The following DOCK1 variants were observed in gnomAD, a reference collection of about 807,000 sequenced individuals.
DOCK1 encodes dedicator of cytokinesis protein 1.
A neutral mutation model predicts 262.7 loss-of-function variants in DOCK1; 138 were observed. The observed-to-expected ratio is 0.53, with a 90% CI of 0.46 to 0.61. The LOEUF is 0.61. Among genes scored for constraint, DOCK1 ranks in the 20% least tolerant of loss-of-function variants. The probability of loss-of-function intolerance (pLI) is 0.00; values close to 1 mark genes in which losing one functional copy is unlikely to be tolerated. For synonymous variants in DOCK1, 866 were observed against 867.4 expected (o/e 1.00, Z 0.03); for missense variants, 1,908 against 2,370.7 (o/e 0.80, Z 4.05).
intron 25 of DOCK1, among the ~76,000 whole-genome samples, chr10:127,123,651 T>C (rs1003762300): frequency 3.3e-5 from 5 of 152,200 alleles, no homozygotes; most frequent in African/African-American, 9.7e-5. Flanking sequence ...GTGTGTCCCA[T>C]GTGTTAGCGT....
rs1382440352 is a variant in DOCK1, at chr10:127,451,814, A to G, written c.*387A>G. 3.6e-6 allele frequency: 1 copy of G among 274,324 alleles called. No individual in the cohort carries two copies. Among genetic ancestry groups the G allele is most frequent in the Admixed American group, 5.3e-5 (1 of 19,032 alleles). The allele number at this position is 274,324 out of a possible 1,614,324, so 17.0% of individuals were successfully genotyped here. ...GAGAGGCTAGGCCATCACTCTTAGG[A>G]AGCTGTGTAGTGATGATGTATAAGA... On this transcript the variant is annotated 3_prime_UTR_variant, in exon 52 of 52. Transcript: ENST00000623213.
At chr10:127,390,514 C>A (rs1238074404) in intron 38 of DOCK1, among the ~76,000 whole-genome samples, 1 of 152,134 alleles carries the variant, frequency 6.6e-6, no homozygotes, top group Non-Finnish European at 1.5e-5. Flanking sequence ...CTAATCGAAT[C>A]TGACTGGTGT....
intron 27 of DOCK1, among the ~76,000 whole-genome samples, chr10:127,231,826 G>T (rs2058851742): frequency 6.6e-6 from 1 of 152,128 alleles, no homozygotes; most frequent in Admixed American, 6.5e-5. Context: ...AAGACTGAGT[G>T]CATTCGCTCA....
chr10:127,379,031 T>C (rs1180321639), intron 35 of DOCK1, among the ~76,000 whole-genome samples: 1 of 152,224 alleles, frequency 6.6e-6, no homozygotes, highest in Non-Finnish European at 1.5e-5. Flanking sequence ...CTTGGATAAT[T>C]GTATGTCTCT....
At chr10:127,278,821 T>G (rs1374631282) in intron 29 of DOCK1, among the ~76,000 whole-genome samples, 1 of 152,236 alleles carries the variant, frequency 6.6e-6, no homozygotes, top group African/African-American at 2.4e-5. Flanking sequence ...CTTCCTTCTG[T>G]GTGACAAGCA....
At chr10:127,362,425 T>G (rs2064511633) in intron 33 of DOCK1, among the ~76,000 whole-genome samples, 1 of 152,244 alleles carries the variant, frequency 6.6e-6, no homozygotes, top group Non-Finnish European at 1.5e-5. Context: ...ATTCTCAATT[T>G]TTAGCTCTTA....
chr10:127,367,208 G>A (rs920683654), intron 33 of DOCK1, among the ~76,000 whole-genome samples: 9 of 152,258 alleles, frequency 5.9e-5, no homozygotes, highest in Middle Eastern at 6.8e-3. Flanking sequence ...TCTTGTGCTC[G>A]TGCTCTTCAG....
chr10:126,914,504 G>A (rs1400309444), intron 1 of DOCK1, among the ~76,000 whole-genome samples: 2 of 152,180 alleles, frequency 1.3e-5, no homozygotes, highest in African/African-American at 4.8e-5. Context: ...CCAGGCTCAA[G>A]TGATCCTCCA....
chr10:127,194,129 T>C (rs1162252428), intron 27 of DOCK1, among the ~76,000 whole-genome samples: 1 of 152,242 alleles, frequency 6.6e-6, no homozygotes, highest in East Asian at 1.9e-4. Flanking sequence ...TTAAACTGAA[T>C]TGTTTAGTCT....
chr10:127,010,996 AT>A (rs2041392404), intron 11 of DOCK1, among the ~76,000 whole-genome samples: 1 of 152,228 alleles, frequency 6.6e-6, no homozygotes, highest in African/African-American at 2.4e-5. Flanking sequence ...TAGGGAGGTT[AT>A]TAGTTTTAGA....
chr10:127,036,611 C>T (rs1402907117), intron 18 of DOCK1, among the ~76,000 whole-genome samples: 4 of 152,126 alleles, frequency 2.6e-5, no homozygotes, highest in South Asian at 4.2e-4. Flanking sequence ...GTTAATATAA[C>T]TTCAGGTGAA....
intron 27 of DOCK1, among the ~76,000 whole-genome samples, chr10:127,232,104 G>T (rs185196587): frequency 1.3e-5 from 2 of 152,000 alleles, no homozygotes; most frequent in Non-Finnish European, 2.9e-5. Context: ...GAAGCGTTCC[G>T]TAGAGGGTAC....
chr10:127,274,089 A>T (rs1217628417), intron 29 of DOCK1, among the ~76,000 whole-genome samples: 1 of 152,134 alleles, frequency 6.6e-6, no homozygotes, highest in African/African-American at 2.4e-5. Context: ...CAGTATTCAA[A>T]TGCATGTCTG....
intron 1 of DOCK1, among the ~76,000 whole-genome samples, chr10:126,962,031 T>C (rs2037262327): frequency 6.6e-6 from 1 of 152,196 alleles, no homozygotes; most frequent in African/African-American, 2.4e-5. Context: ...AGGGTCTCAC[T>C]CTGTCACCCA....
Position 127,303,598 on chromosome 10 carries a change from C to A in DOCK1, c.3045-35408C>A, listed in dbSNP as rs374242406. ...ATCCCAACACTTTGGGAGGCCCACA[C>A]CTGTAATCCCAACACTTTGGGAGGC... is the stretch of plus-strand genomic sequence containing the variant. On this transcript the variant is annotated intron_variant, in intron 29 of 51. Transcript: ENST00000623213. 9.4e-5 allele frequency among the ~76,000 whole-genome samples: 11 copies of A among 117,196 alleles called. No individual in the cohort carries two copies. In the South Asian group the frequency reaches 2.5e-3, roughly 27 times the overall value. 76.9% of individuals were successfully genotyped at this position (117,196 alleles called of 152,430 possible). A position where few individuals can be genotyped will look rare whatever the true frequency, so the allele number is the denominator to read the frequency against.
intron 29 of DOCK1, among the ~76,000 whole-genome samples, chr10:127,318,255 C>T (rs2135545771): frequency 6.6e-6 from 1 of 152,310 alleles, no homozygotes; most frequent in Middle Eastern, 3.4e-3. Context: ...CTGTGTGAGC[C>T]AGCACAGGTG....
intron 23 of DOCK1, among the ~76,000 whole-genome samples, chr10:127,076,117 A>C (rs551201829): frequency 1.3e-5 from 2 of 152,220 alleles, no homozygotes; most frequent in South Asian, 2.1e-4. Flanking sequence ...GGTTGAGTCA[A>C]ATCAGCATCC....
intron 1 of DOCK1, among the ~76,000 whole-genome samples, chr10:126,921,777 C>T (rs986899569): frequency 5.3e-5 from 8 of 152,188 alleles, no homozygotes; most frequent in African/African-American, 4.8e-5. Flanking sequence ...CTCAGCCTCC[C>T]GAGTAGCTGG....
intron 27 of DOCK1, among the ~76,000 whole-genome samples, chr10:127,226,849 C>T (rs1043097206): frequency 2.6e-5 from 4 of 152,104 alleles, no homozygotes; most frequent in South Asian, 4.1e-4. Flanking sequence ...GCCTTTCTCC[C>T]GCTCCCATCC....
Sources: allele counts gnomAD v4.1 joint callset (sites outside exome capture counted in the v4.1 genomes callset), GRCh38; gene constraint gnomAD v4.1.1; transcripts MANE v1.5; gene names NCBI Gene and HGNC (gene_info 2026-07-23, HGNC 2026-07-21).